CWC27: variants seen among roughly 807,000 people sequenced by gnomAD.
The protein encoded by CWC27 is spliceosome-associated protein CWC27 homolog.
Under a neutral mutation model 63.6 loss-of-function variants are expected in CWC27, and 47 were observed. The ratio of observed to expected loss-of-function variants is 0.74; its 90% CI spans 0.58 to 0.94. The LOEUF (loss-of-function observed/expected upper bound fraction) is 0.94, where lower values mean the gene tolerates loss of function less well. CWC27 is among the 40% of genes least tolerant of loss of function. The pLI is 0.00. For synonymous variants in CWC27, 175 were observed against 179.8 expected (o/e 0.97, Z 0.22); for missense variants, 495 against 554.3 (o/e 0.89, Z 1.07).
intron 10 of CWC27, among the ~76,000 whole-genome samples, chr5:64,844,069 G>GT (rs1419870131): frequency 2.0e-5 from 3 of 152,088 alleles, no homozygotes; most frequent in African/African-American, 4.8e-5. Flanking sequence ...TGTAAGAACG[G>GT]TCTTATTCCA....
At chr5:64,931,688 T>C (rs1322301369) in intron 11 of CWC27, among the ~76,000 whole-genome samples, 1 of 152,038 alleles carries the variant, frequency 6.6e-6, no homozygotes, top group Non-Finnish European at 1.5e-5. Flanking sequence ...TTCCTTCCTG[T>C]ACATGTTTTT....
rs114556624 is a variant in CWC27, at chr5:64,918,919, G to T, written c.1042+33373G>T. On this transcript the variant is annotated intron_variant, in intron 11 of 13. Coordinates refer to ENST00000381070, the MANE Select transcript of CWC27 (RefSeq NM_005869.4). ...GAACATGAGCAAAGCCATTCTTCCGGAGTTTATAAAACCCTTCAAGATTAT... is the reference window on the plus strand; with the variant it reads ...GAACATGAGCAAAGCCATTCTTCCGTAGTTTATAAAACCCTTCAAGATTAT... Among the ~76,000 whole-genome samples the T allele has an allele frequency of 4.2e-3, 637 of 152,188 alleles. 2 individuals are homozygous for T. Among genetic ancestry groups the T allele is most frequent in the African/African-American group, 0.015 (603 of 41,516 alleles).
rs79016886 is a variant in CWC27 at position 64,951,932 on chromosome 5, C to G, written c.1043-19771C>G. 9.9e-3 allele frequency among the ~76,000 whole-genome samples: 1,508 copies of G among 151,876 alleles called. 12 individuals are homozygous for G. Among genetic ancestry groups the G allele is most frequent in the Non-Finnish European group, 0.015 (1,020 of 67,824 alleles). On this transcript the variant is annotated intron_variant, in intron 11 of 13. Coordinates refer to ENST00000381070, the MANE Select transcript of CWC27 (RefSeq NM_005869.4). ...GTGTTTATAAAATGTATTTATGACT[C>G]ATATGTAGGTACTACTGAATGAATA...
At chr5:64,775,963 A>G (rs560003787) in intron 2 of CWC27, among the ~76,000 whole-genome samples, 1 of 152,086 alleles carries the variant, frequency 6.6e-6, no homozygotes, top group South Asian at 2.1e-4. Context: ...GTATGGTATG[A>G]TGAGATCTCT....
At chr5:64,830,727 C>T (rs1459793357) in intron 10 of CWC27, among the ~76,000 whole-genome samples, 1 of 152,048 alleles carries the variant, frequency 6.6e-6, no homozygotes, top group Non-Finnish European at 1.5e-5. Flanking sequence ...AACAAATTTA[C>T]AAGAAAAAAT....
intron 13 of CWC27, among the ~76,000 whole-genome samples, chr5:64,990,937 C>T (rs1057035521): frequency 6.6e-6 from 1 of 152,084 alleles, no homozygotes; most frequent in Admixed American, 6.5e-5. Flanking sequence ...GAAAACTATT[C>T]CTTATTTATT....
chr5:64,899,413 T>C (rs552906045), intron 11 of CWC27, among the ~76,000 whole-genome samples: 1 of 152,326 alleles, frequency 6.6e-6, no homozygotes, highest in South Asian at 2.1e-4. Context: ...GCTGAAGTAA[T>C]GAATGAAACT....
chr5:64,902,021 A>G (rs1489454502), intron 11 of CWC27, among the ~76,000 whole-genome samples: 1 of 152,178 alleles, frequency 6.6e-6, no homozygotes, highest in Non-Finnish European at 1.5e-5. Context: ...TATGATAACA[A>G]TGCCTTCTTC....
intron 10 of CWC27, among the ~76,000 whole-genome samples, chr5:64,860,163 A>C (rs1374478259): frequency 6.6e-6 from 1 of 152,152 alleles, no homozygotes; most frequent in East Asian, 1.9e-4. Flanking sequence ...ATTCTTACCC[A>C]CCATTACATT....
At chr5:64,941,341 T>C (rs1008377893) in intron 11 of CWC27, among the ~76,000 whole-genome samples, 1 of 152,206 alleles carries the variant, frequency 6.6e-6, no homozygotes, top group Non-Finnish European at 1.5e-5. Flanking sequence ...CTAAGTACAG[T>C]ACCATACTGC....
At chr5:64,841,744 C>T (rs753512965) in intron 10 of CWC27, among the ~76,000 whole-genome samples, 47 of 152,264 alleles carry the variant, frequency 3.1e-4, no homozygotes, top group Middle Eastern at 3.4e-3. Flanking sequence ...GGCACAATCG[C>T]GGCTCACTGC....
chr5:64,979,147 C>T (rs895597131), intron 13 of CWC27, among the ~76,000 whole-genome samples: 2 of 152,112 alleles, frequency 1.3e-5, no homozygotes, highest in African/African-American at 4.8e-5. Context: ...AACGGGGAAA[C>T]TTCACTGGAC....
chr5:64,916,198 A>C (rs779045097), intron 11 of CWC27, among the ~76,000 whole-genome samples: 5 of 152,254 alleles, frequency 3.3e-5, no homozygotes, highest in Admixed American at 6.5e-5. Flanking sequence ...TTGCTTAACT[A>C]TCTTCCAAAA....
intron 10 of CWC27, among the ~76,000 whole-genome samples, chr5:64,842,579 G>A (rs1745873297): frequency 6.7e-6 from 1 of 149,942 alleles, no homozygotes; most frequent in African/African-American, 2.5e-5. Flanking sequence ...TGAGATTACA[G>A]GCGTGAGCCA....
intron 13 of CWC27, among the ~76,000 whole-genome samples, chr5:65,003,089 A>G (rs1022056209): frequency 6.6e-5 from 10 of 152,182 alleles, no homozygotes; most frequent in African/African-American, 2.4e-4. Flanking sequence ...TTTATCTGAG[A>G]TAAGTATAGC....
chr5:64,832,302 CA>C (rs1745546155), intron 10 of CWC27, among the ~76,000 whole-genome samples: 1 of 151,758 alleles, frequency 6.6e-6, no homozygotes, highest in Non-Finnish European at 1.5e-5. Context: ...CCCTTATTTT[CA>C]AAAACATCTT....
In CWC27 at chr5:64,772,197, T is replaced by C. The variant is rs74563363; in HGVS notation, c.43-2494T>C. Reference sequence around the variant, plus strand: ...AGGGAGGGATGATGTAATTAGTGTGTTCATTAGAGCAGTGGTTTCTAAACC... The same window carrying C: ...AGGGAGGGATGATGTAATTAGTGTGCTCATTAGAGCAGTGGTTTCTAAACC... On this transcript the variant is annotated intron_variant, in intron 1 of 13. Coordinates refer to ENST00000381070, the MANE Select transcript of CWC27 (RefSeq NM_005869.4). Among the ~76,000 whole-genome samples, 1,293 of 152,336 alleles carry C rather than the reference T, an allele frequency of 8.5e-3. 22 individuals carry two copies. Among genetic ancestry groups the C allele is most frequent in the African/African-American group, 0.029 (1,223 of 41,568 alleles).
At chr5:64,885,646 C>G in intron 11 of CWC27, 100 bp downstream of exon 11, 1 of 818,574 alleles carries the variant, frequency 1.2e-6, no homozygotes, top group Admixed American at 2.5e-5. Flanking sequence ...CTTCCCTTCT[C>G]CTTTCCTTCT....
intron 13 of CWC27, among the ~76,000 whole-genome samples, chr5:64,995,684 T>A (rs1309181131): frequency 1.3e-5 from 2 of 152,246 alleles, no homozygotes; most frequent in Non-Finnish European, 2.9e-5. Flanking sequence ...TGAGTTTTAT[T>A]ATTTTACATT....
Sources: gnomAD v4.1 joint callset for allele counts (sites outside exome capture counted in the v4.1 genomes callset) on GRCh38, gnomAD v4.1.1 for gene constraint, MANE v1.5 for transcripts, NCBI Gene and HGNC (gene_info 2026-07-23, HGNC 2026-07-21) for gene names.